UNC5A: variants seen among roughly 807,000 people sequenced by gnomAD.
The protein encoded by UNC5A is netrin receptor UNC5A.
A neutral mutation model predicts 87.4 loss-of-function variants in UNC5A; 20 were observed. That is an observed-to-expected ratio of 0.23 (90% CI 0.16 to 0.33). The LOEUF (loss-of-function observed/expected upper bound fraction) is 0.33. Ranked by LOEUF, UNC5A falls within the 10% of genes least tolerant of loss-of-function variation. The pLI is 1.00. For missense variants in UNC5A, 844 were observed against 1,133.4 expected (o/e 0.74, Z 3.67); for synonymous variants, 438 against 482.3 (o/e 0.91, Z 1.20).
chr5:176,858,298 T>C (rs1757715297), intron 1 of UNC5A, among the ~76,000 whole-genome samples: 1 of 152,108 alleles, frequency 6.6e-6, no homozygotes, highest in Non-Finnish European at 1.5e-5. Context: ...AGGGGAACCC[T>C]CTTTCCAGAG....
rs80203582 is a variant in UNC5A at position 176,835,374 on chromosome 5, C to G, written c.70+24554C>G. Among the ~76,000 whole-genome samples, 674 of 152,350 alleles carry G rather than the reference C, an allele frequency of 4.4e-3. 33 individuals are homozygous for G. The East Asian group carries it at 0.12, about 26-fold the overall frequency. ...TGCCCAGTCCAGTGTGTGTGTCTCCCAGGAAGGTTCCCAGAGGGGGCCTGC... is the reference window on the plus strand; with the variant it reads ...TGCCCAGTCCAGTGTGTGTGTCTCCGAGGAAGGTTCCCAGAGGGGGCCTGC... On this transcript the variant is annotated intron_variant, in intron 1 of 14. Coordinates refer to ENST00000329542, the MANE Select transcript of UNC5A (RefSeq NM_133369.3).
chr5:176,836,982 A>T (rs1757160906), intron 1 of UNC5A, among the ~76,000 whole-genome samples: 1 of 152,224 alleles, frequency 6.6e-6, no homozygotes, highest in African/African-American at 2.4e-5. Flanking sequence ...CGCACAGGCC[A>T]GACGGAACAA....
chr5:176,844,767 G>A lies in UNC5A; in HGVS notation c.71-17857G>A, dbSNP rs938054536. Among the ~76,000 whole-genome samples the A allele has an allele frequency of 2.0e-5, 3 of 152,310 alleles. No homozygotes were observed. The highest frequency in any genetic ancestry group is 1.3e-4 in the Admixed American group (2 of 15,300). ...CAGTTGGAACAGAGGACTCAGCAGG[G>A]CTATGGCCCAATCACTCACCCCGAG... On this transcript the variant is annotated intron_variant, in intron 1 of 14. Transcript: ENST00000329542. The surrounding 1 kb of genome is among the most constrained non-coding windows in gnomAD (Gnocchi z 4.2).
intron 1 of UNC5A, among the ~76,000 whole-genome samples, chr5:176,840,565 C>T (rs1249577156): frequency 6.6e-6 from 1 of 152,226 alleles, no homozygotes; most frequent in African/African-American, 2.4e-5. Context: ...GTCTAGGATC[C>T]ATTGGTCCGG....
At chr5:176,878,148 C>A in intron 11 of UNC5A, 21 bp downstream of exon 11, 2 of 1,604,528 alleles carry the variant, frequency 1.2e-6, no homozygotes, top group Admixed American at 1.7e-5. Flanking sequence ...CCCCTCACCC[C>A]CCGCCGCTGG....
At chr5:176,812,414 A>T (rs892438115) in intron 1 of UNC5A, among the ~76,000 whole-genome samples, 1 of 152,126 alleles carries the variant, frequency 6.6e-6, no homozygotes, top group African/African-American at 2.4e-5. Context: ...GTGGGTTGAC[A>T]TGTGTGCCCG....
chr5:176,856,922 G>A (rs991957851), intron 1 of UNC5A, among the ~76,000 whole-genome samples: 1 of 152,128 alleles, frequency 6.6e-6, no homozygotes, highest in African/African-American at 2.4e-5. Context: ...GACCAAACAC[G>A]TCTCGCCCTC....
At chr5:176,858,778 A>AGGAAGGAAG (rs1561659057) in intron 1 of UNC5A, among the ~76,000 whole-genome samples, 5 of 36,504 alleles carry the variant, frequency 1.4e-4, no homozygotes, top group Non-Finnish European at 2.7e-4. Context: ...AAGGAAGGCA[A>AGGAAGGAAG]GCAAGCAGGC....
At chr5:176,820,198 C>T (rs1396429640) in intron 1 of UNC5A, among the ~76,000 whole-genome samples, 1 of 152,170 alleles carries the variant, frequency 6.6e-6, no homozygotes, top group East Asian at 1.9e-4. Flanking sequence ...GAAATCGAGA[C>T]CATCCTGGCT....
Position 176,824,135 on chromosome 5 carries a change from G to A in UNC5A, c.70+13315G>A, listed in dbSNP as rs1756794701. 6.6e-6 allele frequency among the ~76,000 whole-genome samples: 1 copy of A among 152,378 alleles called. No individual in the cohort carries two copies. Among genetic ancestry groups the A allele is most frequent in the East Asian group, 1.9e-4 (1 of 5,186 alleles). On this transcript the variant is annotated intron_variant, in intron 1 of 14. Coordinates refer to ENST00000329542, the MANE Select transcript of UNC5A (RefSeq NM_133369.3). This position sits in a 1 kb window ranked among gnomAD's most constrained non-coding sequence, Gnocchi z 4.2. Reference sequence around the variant, plus strand: ...AGGGCTTCTCCCGCCTGGAGGCGGAGGTGCGGCCCCGATGCCTCCCGGGTT... The same window carrying A: ...AGGGCTTCTCCCGCCTGGAGGCGGAAGTGCGGCCCCGATGCCTCCCGGGTT...
intron 1 of UNC5A, among the ~76,000 whole-genome samples, chr5:176,855,431 G>GC (rs1477196072): frequency 1.3e-5 from 2 of 152,358 alleles, no homozygotes; most frequent in East Asian, 3.9e-4. Flanking sequence ...GGGGGAGCGT[G>GC]CCCACCTCTG....
chr5:176,865,542 AG>A lies in UNC5A; in HGVS notation c.293-2587del. On this transcript the variant is annotated intron_variant, in intron 2 of 14. Coordinates refer to ENST00000329542, the MANE Select transcript of UNC5A (RefSeq NM_133369.3). The surrounding 1 kb of genome is among the most constrained non-coding windows in gnomAD (Gnocchi z 5.3). ...TCTTCTGCCCCGAGCATCCGACTCC[AG>A]CCTCCCATGGCCGGAACATCTGAAC... The A allele has an allele frequency of 2.2e-6, 1 of 455,158 alleles. No individual in the cohort carries two copies. The highest frequency in any genetic ancestry group is 4.4e-6 in the Non-Finnish European group (1 of 225,628). 28.2% of individuals were successfully genotyped at this position (455,158 alleles called of 1,614,324 possible). A position where few individuals can be genotyped will look rare whatever the true frequency, so the allele number is the denominator to read the frequency against.
chr5:176,823,700 G>C (rs1756784894), intron 1 of UNC5A, among the ~76,000 whole-genome samples: 2 of 151,912 alleles, frequency 1.3e-5, no homozygotes, highest in African/African-American at 2.4e-5. Context: ...GGGACAGTCA[G>C]GGAGACCCTG....
chr5:176,815,775 G>A (rs1756572832), intron 1 of UNC5A, among the ~76,000 whole-genome samples: 2 of 152,220 alleles, frequency 1.3e-5, no homozygotes, highest in Admixed American at 1.3e-4. Context: ...CCCAGGCCCA[G>A]GCAGGGGCCC....
rs1758057407 is a variant in UNC5A, at chr5:176,869,465, C to T, written c.721+501C>T. On this transcript the variant is annotated intron_variant, in intron 5 of 14. Transcript: ENST00000329542. The surrounding 1 kb of genome is among the most constrained non-coding windows in gnomAD (Gnocchi z 9.1). ...GGGCCCGGGGGCCAGCAGGCACGAGCATGGCCTCCCCCAGGCCTTCTCTCC... is the reference window on the plus strand; with the variant it reads ...GGGCCCGGGGGCCAGCAGGCACGAGTATGGCCTCCCCCAGGCCTTCTCTCC... The T allele has an allele frequency of 1.7e-6, 1 of 582,896 alleles. No individual in the cohort carries two copies. The highest frequency in any genetic ancestry group is 3.1e-6 in the Non-Finnish European group (1 of 325,474). The allele number at this position is 582,896 out of a possible 1,614,324, so 36.1% of individuals were successfully genotyped here.
intron 1 of UNC5A, among the ~76,000 whole-genome samples, chr5:176,819,300 C>A (rs1485066485): frequency 2.6e-5 from 4 of 152,184 alleles, no homozygotes. Context: ...AATGCCCCAG[C>A]TTGAAGTGAC....
chr5:176,875,353 G>A lies in UNC5A; in HGVS notation c.1378+787G>A, dbSNP rs1340492937. Reference sequence around the variant, plus strand: ...GACTCCTGGTGCCTAAAACAGAACCGTCTCCCACCCTCCCCCAGAGCCTCC... The same window carrying A: ...GACTCCTGGTGCCTAAAACAGAACCATCTCCCACCCTCCCCCAGAGCCTCC... On this transcript the variant is annotated intron_variant, in intron 8 of 14. Coordinates refer to ENST00000329542, the MANE Select transcript of UNC5A (RefSeq NM_133369.3). This position sits in a 1 kb window ranked among gnomAD's most constrained non-coding sequence, Gnocchi z 5.2. Among the ~76,000 whole-genome samples, 3 of 151,984 alleles carry A rather than the reference G, an allele frequency of 2.0e-5. No individual in the cohort carries two copies. Among genetic ancestry groups the A allele is most frequent in the South Asian group, 2.1e-4 (1 of 4,814 alleles).
At chr5:176,813,141 C>T (rs927658718) in intron 1 of UNC5A, among the ~76,000 whole-genome samples, 3 of 152,218 alleles carry the variant, frequency 2.0e-5, no homozygotes, top group South Asian at 2.1e-4. Flanking sequence ...TGCCCGCGCA[C>T]GCAAGCACCC....
chr5:176,874,285 T>G lies in UNC5A; in HGVS notation c.1097T>G (p.Ile366Ser). 1 of 1,596,648 alleles carries G rather than the reference T, an allele frequency of 6.3e-7. No homozygotes were observed. Among genetic ancestry groups the G allele is most frequent in the Non-Finnish European group, 8.5e-7 (1 of 1,169,888 alleles). Reference sequence around the variant, plus strand: ...GCAGACAACCCCCATCTGCTCACCATCCAGCCGGACCTCAGCACCACCACC... The same window carrying G: ...GCAGACAACCCCCATCTGCTCACCAGCCAGCCGGACCTCAGCACCACCACC... ...SKADNPHLLT[I>S]QPDLSTTTTT... is the part of the protein sequence containing the mutation. Residue 366 changes from isoleucine (I) to serine (S), a missense_variant, in exon 8 of 15, where the codon ATC (isoleucine) becomes AGC (serine). Physicochemically the swap from Ile to Ser is moderately radical, Grantham distance 142. Around this residue, in one of 3 missense-constraint regions of UNC5A, gnomAD observed 353 missense variants for 387.5 expected, o/e 0.91. Transcript: ENST00000329542. This position sits in a 1 kb window ranked among gnomAD's most constrained non-coding sequence, Gnocchi z 7.6.
Sources: gnomAD v4.1 joint callset for allele counts (sites outside exome capture counted in the v4.1 genomes callset) on GRCh38, gnomAD v4.1.1 for gene constraint, gnomAD v4.1.1 regional missense constraint, Gnocchi (gnomAD v3.1) non-coding constraint, MANE v1.5 for transcripts, NCBI Gene and HGNC (gene_info 2026-07-23, HGNC 2026-07-21) for gene names.